AFAP1L2: variants seen among roughly 807,000 people sequenced by gnomAD.
AFAP1L2 encodes actin filament-associated protein 1-like 2.
Under a neutral mutation model 99.3 loss-of-function variants are expected in AFAP1L2, and 46 were observed. The observed-to-expected ratio is 0.46, with a 90% CI of 0.37 to 0.59. The LOEUF (loss-of-function observed/expected upper bound fraction) is 0.59, where lower values mean the gene tolerates loss of function less well. Ranked by LOEUF, AFAP1L2 falls within the 20% of genes least tolerant of loss-of-function variation. The pLI is 0.00. For missense variants in AFAP1L2, 959 were observed against 1,034.9 expected, an observed-to-expected ratio of 0.93 and a Z score of 1.01; for synonymous variants, 397 against 419.1, an observed-to-expected ratio of 0.95 and a Z score of 0.64.
chr10:114,321,233 T>C (rs1286026773), intron 5 of AFAP1L2, among the ~76,000 whole-genome samples: 1 of 152,186 alleles, frequency 6.6e-6, no homozygotes. Flanking sequence ...GTACCGAATA[T>C]GTAGTCTTTT....
chr10:114,368,723 G>C (rs1352172334), intron 1 of AFAP1L2, among the ~76,000 whole-genome samples: 1 of 149,160 alleles, frequency 6.7e-6, no homozygotes, highest in African/African-American at 2.5e-5. Flanking sequence ...CCAATGTATT[G>C]TTTACTTGAA....
At chr10:114,373,158 G>T (rs1590676855) in intron 1 of AFAP1L2, among the ~76,000 whole-genome samples, 1 of 151,966 alleles carries the variant, frequency 6.6e-6, no homozygotes, top group South Asian at 2.1e-4. Flanking sequence ...TGGGAAGATC[G>T]CTTGAGCCCA....
chr10:114,393,827 C>T (rs531203288), intron 1 of AFAP1L2, among the ~76,000 whole-genome samples: 4 of 152,366 alleles, frequency 2.6e-5, no homozygotes, highest in Admixed American at 6.5e-5. Flanking sequence ...GAGATGGGCG[C>T]TTGCCCGCTG....
At chr10:114,349,551 C>A (rs2050139424) in intron 1 of AFAP1L2, among the ~76,000 whole-genome samples, 1 of 48,096 alleles carries the variant, frequency 2.1e-5, no homozygotes, top group Non-Finnish European at 4.1e-5. Context: ...GAGCTTGTCG[C>A]TTGGAAAAAA....
At chr10:114,318,672 G>A (rs1301054086) in intron 5 of AFAP1L2, among the ~76,000 whole-genome samples, 2 of 148,086 alleles carry the variant, frequency 1.4e-5, no homozygotes, top group Non-Finnish European at 3.0e-5. Context: ...GAACCAGGAA[G>A]TGGAGATTGC....
chr10:114,302,035 G>A (rs933377936), intron 12 of AFAP1L2: 11 of 357,950 alleles, frequency 3.1e-5, no homozygotes, highest in Non-Finnish European at 4.7e-5. Flanking sequence ...TTCACCAGAA[G>A]GACAAGTAGG....
intron 1 of AFAP1L2, among the ~76,000 whole-genome samples, chr10:114,361,637 G>A (rs1166791333): frequency 6.6e-6 from 1 of 152,196 alleles, no homozygotes; most frequent in African/African-American, 2.4e-5. Context: ...CCCTTTGGCA[G>A]CTACGAGGTC....
At chr10:114,308,061 C>T in intron 9 of AFAP1L2, 152 bp from the exon 10 acceptor site, 2 of 683,744 alleles carry the variant, frequency 2.9e-6, no homozygotes, top group Non-Finnish European at 2.6e-6. Context: ...CACACACACA[C>T]ATCTCCTCAA....
At chr10:114,300,825 G>T (rs1005722297) in intron 13 of AFAP1L2, 135 bp from the exon 14 acceptor site, 2 of 1,238,320 alleles carry the variant, frequency 1.6e-6, no homozygotes, top group Non-Finnish European at 2.2e-6. Context: ...TGCTGGGGGG[G>T]CCACTGGCTG....
intron 10 of AFAP1L2, among the ~76,000 whole-genome samples, chr10:114,305,715 C>T (rs1388040947): frequency 9.2e-4 from 51 of 55,556 alleles, no homozygotes; most frequent in Admixed American, 1.9e-3. Context: ...CTGGAGGGGA[C>T]GGGGCTACAG....
At chr10:114,284,452 G>A in the AFAP1L2 span, among the ~76,000 whole-genome samples, 1 of 152,190 alleles carries the variant, frequency 6.6e-6, no homozygotes, top group African/African-American at 2.4e-5. Context: ...TGCAGGATCC[G>A]AAGGCTGGTG....
intron 7 of AFAP1L2, among the ~76,000 whole-genome samples, chr10:114,311,244 G>A (rs998725543): frequency 6.6e-6 from 1 of 152,172 alleles, no homozygotes; most frequent in Non-Finnish European, 1.5e-5. Context: ...CTCTGACTAT[G>A]AAAGCATTGC....
chr10:114,398,553 A>G (rs1458533732), intron 1 of AFAP1L2, among the ~76,000 whole-genome samples: 1 of 152,278 alleles, frequency 6.6e-6, no homozygotes, highest in African/African-American at 2.4e-5. Flanking sequence ...CTTTACCAAT[A>G]GCTCTTACAA....
intron 13 of AFAP1L2, among the ~76,000 whole-genome samples, 173 bp downstream of exon 13, chr10:114,301,181 A>G (rs757238355): frequency 4.6e-5 from 7 of 152,226 alleles, no homozygotes; most frequent in Non-Finnish European, 1.0e-4. Flanking sequence ...ACAGCCTCAC[A>G]TATAGGAGAC....
chr10:114,281,894 T>C, the AFAP1L2 span: 17 of 227,110 alleles, frequency 7.5e-5, no homozygotes, highest in Non-Finnish European at 1.1e-4. Context: ...CAGTTCCCAA[T>C]ATTTCTCTCC....
In AFAP1L2 at chr10:114,367,852, A is replaced by G. The variant is rs185545097; in HGVS notation, c.17-27121T>C. Among the ~76,000 whole-genome samples the G allele has an allele frequency of 3.6e-3, 546 of 152,330 alleles. 3 individuals are homozygous for G. The highest frequency in any genetic ancestry group is 0.012 in the African/African-American group (512 of 41,556). On this transcript the variant is annotated intron_variant, in intron 1 of 18. Transcript: ENST00000304129. Reference sequence around the variant, plus strand: ...GGCGCACACAAATTTAATTTAATACAAACAGAAAGTTTGCTTATTCTTCCC... The same window carrying G: ...GGCGCACACAAATTTAATTTAATACGAACAGAAAGTTTGCTTATTCTTCCC...
rs376830980 is a variant in AFAP1L2 at position 114,338,432 on chromosome 10, G to T, written c.145+2171C>A. Among the ~76,000 whole-genome samples, 84 of 152,314 alleles carry T rather than the reference G, an allele frequency of 5.5e-4. 1 individual carries two copies. The South Asian group carries it at 0.017, about 31-fold the overall frequency. ...CAAAAAGGGTTTTCCTTTTTTAAAAGAATCTGAATTTGCCAGAAATAAAAC... is the reference window on the plus strand; with the variant it reads ...CAAAAAGGGTTTTCCTTTTTTAAAATAATCTGAATTTGCCAGAAATAAAAC... On this transcript the variant is annotated intron_variant, in intron 2 of 18. Transcript: ENST00000304129.
At chr10:114,361,574 G>A (rs979371533) in intron 1 of AFAP1L2, among the ~76,000 whole-genome samples, 2 of 152,174 alleles carry the variant, frequency 1.3e-5, no homozygotes, top group Admixed American at 1.3e-4. Flanking sequence ...TGAACAGAGA[G>A]GCTAGGACAC....
chr10:114,398,476 A>C (rs1158679711), intron 1 of AFAP1L2, among the ~76,000 whole-genome samples: 1 of 152,240 alleles, frequency 6.6e-6, no homozygotes, highest in African/African-American at 2.4e-5. Flanking sequence ...GTGGGATCAG[A>C]ACCACATGCC....
Sources: allele counts gnomAD v4.1 joint callset (sites outside exome capture counted in the v4.1 genomes callset), GRCh38; gene constraint gnomAD v4.1.1; transcripts MANE v1.5; gene names NCBI Gene and HGNC (gene_info 2026-07-23, HGNC 2026-07-21).